RETREG2: variants seen among roughly 807,000 people sequenced by gnomAD.
The protein encoded by RETREG2 is reticulophagy regulator 2.
A neutral mutation model predicts 51.6 loss-of-function variants in RETREG2; 21 were observed. The observed-to-expected ratio is 0.41, with a 90% confidence interval of 0.29 to 0.59. RETREG2 has a LOEUF of 0.59. RETREG2 is among the 20% of genes least tolerant of loss of function. RETREG2 has a pLI of 0.34. For synonymous variants in RETREG2, 339 were observed against 288.6 expected (o/e 1.17, Z -1.77); for missense variants, 674 against 646.0 (o/e 1.04, Z -0.47).
Position 219,178,432 on chromosome 2 carries a change from G to T in RETREG2, c.80G>T (p.Gly27Val). The T allele has an allele frequency of 1.5e-6, 1 of 679,186 alleles. No individual in the cohort carries two copies. 42.1% of individuals were successfully genotyped at this position (679,186 alleles called of 1,614,324 possible). Residue 27 changes from glycine (G) to valine (V), a missense_variant, in exon 1 of 9, where the codon GGT (glycine) becomes GTT (valine). Physicochemically the swap from Gly to Val is moderately radical, Grantham distance 109. Transcript: ENST00000430297. ...GMGLSLGLGL[G>V]LSLGMSEATS... is the part of the protein sequence containing the mutation. ...GGCCTGAGCCTGGGCCTGGGTCTGG[G>T]TCTGAGCCTAGGCATGAGTGAGGCC...
At chr2:219,179,504 G>T (rs909005098) in intron 2 of RETREG2, among the ~76,000 whole-genome samples, 4 of 152,226 alleles carry the variant, frequency 2.6e-5, no homozygotes, top group Non-Finnish European at 4.4e-5. Context: ...TAGGTGACAG[G>T]CTGTATGTGA....
rs147247814 is a variant in RETREG2, at chr2:219,179,793, T to C, written c.419+30T>C. On this transcript the variant is annotated intron_variant, in intron 3 of 8. Transcript: ENST00000430297. ...GTACAGGCCACCTCTTGAAGACAAA[T>C]GCCCACATCCTGTCCTGCTTGCTGG... is the stretch of plus-strand genomic sequence containing the variant. 28 of 1,608,688 alleles carry C rather than the reference T, an allele frequency of 1.7e-5. 1 individual carries two copies. The African/African-American group carries it at 3.2e-4, about 18-fold the overall frequency.
rs2272018 is a variant in RETREG2, at chr2:219,181,663, G to A, written c.903G>A (p.Leu301=). ...SPVVDVKKTA[L]ALAITDSELS... ...AGGTGGATGTGAAGAAAACAGCATT[G>A]GCCTTGGCCATTACAGACTCAGAGC... is the stretch of plus-strand genomic sequence containing the variant. Residue 301 remains leucine, a synonymous_variant, in exon 8 of 9, where the codon TTG becomes TTA. Transcript: ENST00000430297. The A allele has an allele frequency of 1.6e-4, 256 of 1,614,084 alleles. No individual in the cohort carries two copies. In the East Asian group the frequency reaches 5.6e-3, roughly 36 times the overall value.
Position 219,182,709 on chromosome 2 carries a change from C to T in RETREG2, c.*80C>T. 5 of 1,535,196 alleles carry T rather than the reference C, an allele frequency of 3.3e-6. No homozygotes were observed. Among genetic ancestry groups the T allele is most frequent in the Non-Finnish European group, 4.4e-6 (5 of 1,134,374 alleles). On this transcript the variant is annotated 3_prime_UTR_variant, in exon 9 of 9. Coordinates refer to ENST00000430297, the MANE Select transcript of RETREG2 (RefSeq NM_024293.6). ...TTGCTGTTTCCTCCTTTGCCTACCA[C>T]TCTGGGGTGGGGCAGTGTGTGGGGA...
intron 1 of RETREG2, 99 bp from the exon 2 acceptor site, chr2:219,178,823 G>A (rs1950229966): frequency 2.7e-6 from 3 of 1,096,454 alleles, no homozygotes; most frequent in Middle Eastern, 2.1e-4. Flanking sequence ...TAGGCCTGGA[G>A]GTGCCATTAC....
chr2:219,182,091 T>C lies in RETREG2; in HGVS notation c.1094T>C (p.Leu365Pro), dbSNP rs770674240. Reference sequence around the variant, plus strand: ...CTAGGGGAGGGAGAGGAGGGAGAGCTGGCCCCTCCCGAAGACCTACTAGGC... The same window carrying C: ...CTAGGGGAGGGAGAGGAGGGAGAGCCGGCCCCTCCCGAAGACCTACTAGGC... ...RDLGEGEEGE[L>P]APPEDLLGRP... The change falls in exon 9 of 9, where the codon CTG becomes CCG. Residue 365 changes from leucine (L) to proline (P), a missense_variant. Leu to Pro is a moderately conservative substitution (Grantham distance 98). Coordinates refer to ENST00000430297, the MANE Select transcript of RETREG2 (RefSeq NM_024293.6). 1.2e-5 allele frequency: 19 copies of C among 1,613,972 alleles called. No homozygotes were observed. The highest frequency in any genetic ancestry group is 6.7e-5 in the Admixed American group (4 of 59,998).
rs781137020 is a variant in RETREG2, at chr2:219,181,103, C to T, written c.682C>T (p.Leu228=). Residue 228 remains leucine, a synonymous_variant, in exon 6 of 9, where the codon CTG becomes TTG. Coordinates refer to ENST00000430297, the MANE Select transcript of RETREG2 (RefSeq NM_024293.6). The part of the protein sequence containing the change: ...LLWPLVVYHE[L]IQRMYTRLEP... Reference sequence around the variant, plus strand: ...GTGGCCCCTGGTGGTTTATCATGAGCTGATCCAGAGGATGTACACTCGCCT... The same window carrying T: ...GTGGCCCCTGGTGGTTTATCATGAGTTGATCCAGAGGATGTACACTCGCCT... 1.2e-6 allele frequency: 2 copies of T among 1,614,032 alleles called. No homozygotes were observed. The highest frequency in any genetic ancestry group is 1.7e-5 in the Admixed American group (1 of 60,004).
chr2:219,182,147 G>C lies in RETREG2; in HGVS notation c.1150G>C (p.Asp384His). ...TCAAGCTCTGTCAAGGCAAGCCCTG[G>C]ACTCGGAGGAAGAGGAAGAGGATGT... ...RPQALSRQAL[D>H]SEEEEEDVAA... Residue 384 changes from aspartate (D) to histidine (H), a missense_variant, in exon 9 of 9, where the codon GAC becomes CAC. Asp to His is a moderately conservative substitution (Grantham distance 81). Transcript: ENST00000430297. The C allele has an allele frequency of 6.2e-7, 1 of 1,614,110 alleles. No homozygotes were observed. Among genetic ancestry groups the C allele is most frequent in the Non-Finnish European group, 8.5e-7 (1 of 1,180,042 alleles).
At position 219,184,812 on chromosome 2, in the gene RETREG2, T is replaced by TTG. The variant is rs1574789397; in HGVS notation, c.*2185_*2186dup. 1.5e-5 allele frequency: 2 copies of TTG among 131,838 alleles called. No individual in the cohort carries two copies. Among genetic ancestry groups the TTG allele is most frequent in the East Asian group, 2.1e-4 (1 of 4,756 alleles). 8.2% of individuals were successfully genotyped at this position (131,838 alleles called of 1,614,324 possible). A position where few individuals can be genotyped will look rare whatever the true frequency, so the allele number is the denominator to read the frequency against. On this transcript the variant is annotated 3_prime_UTR_variant, in exon 9 of 9. Coordinates refer to ENST00000430297, the MANE Select transcript of RETREG2 (RefSeq NM_024293.6). Reference sequence around the variant, plus strand: ...CTTTTGTTGTTGTTGTTTTGGTTTTTTGTTTTTTGTGGGTTTTTTTTTTTT... The same window carrying TTG: ...CTTTTGTTGTTGTTGTTTTGGTTTTTTGTGTTTTTTGTGGGTTTTTTTTTTTT...
rs771920532 is a variant in RETREG2, at chr2:219,178,551, C to A, written c.199C>A (p.Leu67Met). 2.8e-6 allele frequency: 4 copies of A among 1,446,634 alleles called. No individual in the cohort carries two copies. The highest frequency in any genetic ancestry group is 3.6e-6 in the Non-Finnish European group (4 of 1,108,056). 89.6% of individuals were successfully genotyped at this position (1,446,634 alleles called of 1,614,324 possible). The change falls in exon 1 of 9, where the codon CTG becomes ATG. Residue 67 changes from leucine (L) to methionine (M), a missense_variant. Physicochemically the swap from Leu to Met is conservative, Grantham distance 15. Transcript: ENST00000430297. ...GCGGCTCCGCGGCTGGGAGGCGGTG[C>A]TGGCGGCGGCGCAGCGGTTGCTGGT... ...WLRLRGWEAVLAAAQRLLVWE... is the reference protein window; with the variant it reads ...WLRLRGWEAVMAAAQRLLVWE...
chr2:219,181,511 A>T (rs367639165), intron 7 of RETREG2, 48 bp downstream of exon 7: 10 of 1,608,766 alleles, frequency 6.2e-6, no homozygotes, highest in Non-Finnish European at 8.5e-6. Flanking sequence ...CCAGAGGAAA[A>T]ATCTTTCTGC....
rs1227507823 is a variant in RETREG2 at position 219,185,341 on chromosome 2, A to G, written c.*2712A>G. On this transcript the variant is annotated 3_prime_UTR_variant, in exon 9 of 9. Coordinates refer to ENST00000430297, the MANE Select transcript of RETREG2 (RefSeq NM_024293.6). ...TGGAAAAGTACAGGCTGAGGGGAGA[A>G]GAGTTGGCTACATGTTTATGTTAGG... 2.0e-5 allele frequency: 3 copies of G among 152,244 alleles called. No homozygotes were observed. The highest frequency in any genetic ancestry group is 7.2e-5 in the African/African-American group (3 of 41,466). The allele number at this position is 152,244 out of a possible 1,614,324, so 9.4% of individuals were successfully genotyped here.
chr2:219,180,610 C>T, intron 4 of RETREG2, 60 bp from the exon 5 acceptor site: 2 of 1,612,220 alleles, frequency 1.2e-6, no homozygotes, highest in Admixed American at 1.7e-5. Context: ...AGTTTCTTAC[C>T]CAGCCGAGCG....
intron 8 of RETREG2, 102 bp from the exon 9 acceptor site, chr2:219,181,911 C>A: frequency 6.4e-7 from 1 of 1,559,026 alleles, no homozygotes. Context: ...TAAGGCTTGG[C>A]CCAGCTTTCC....
rs374269577 is a variant in RETREG2 at position 219,180,658 on chromosome 2, T to A, written c.556-12T>A. On this transcript the variant is annotated splice_polypyrimidine_tract_variant and intron_variant, in intron 4 of 8. Coordinates refer to ENST00000430297, the MANE Select transcript of RETREG2 (RefSeq NM_024293.6). ...CAGCGTGATGTTCTTAGACTTTTGC[T>A]CTTCTCTGCAGTTCTGCGTTCGAGT... The A allele has an allele frequency of 1.2e-6, 2 of 1,614,198 alleles. No individual in the cohort carries two copies.
In RETREG2 at chr2:219,181,127, C is replaced by G. The variant is rs370337996; in HGVS notation, c.706C>G (p.Leu236Val). 2 of 1,614,188 alleles carry G rather than the reference C, an allele frequency of 1.2e-6. No individual in the cohort carries two copies. The highest frequency in any genetic ancestry group is 1.7e-6 in the Non-Finnish European group (2 of 1,180,032). ...HELIQRMYTR[L>V]EPLLMQLDYS... ...GCTGATCCAGAGGATGTACACTCGCCTGGAGCCCCTGCTCATGCAGCTGGA... is the reference window on the plus strand; with the variant it reads ...GCTGATCCAGAGGATGTACACTCGCGTGGAGCCCCTGCTCATGCAGCTGGA... The change falls in exon 6 of 9, where the codon CTG becomes GTG. Residue 236 changes from leucine to valine, a missense_variant. Transcript: ENST00000430297.
At chr2:219,180,030 T>A in intron 3 of RETREG2, 80 bp from the exon 4 acceptor site, 1 of 1,558,600 alleles carries the variant, frequency 6.4e-7, no homozygotes, top group Non-Finnish European at 8.8e-7. Flanking sequence ...ACTAAAGATA[T>A]CTTTGGCATT....
chr2:219,180,119 G>C lies in RETREG2; in HGVS notation c.429G>C (p.Ala143=). Residue 143 remains alanine (A), a synonymous_variant, in exon 4 of 9, where the codon GCG becomes GCC. Transcript: ENST00000430297. ...PEEPHSDSEG[A]GSGARPHLLS... is the part of the protein sequence containing the mutation. Reference sequence around the variant, plus strand: ...TGTCATGTCTCCCCAGTGAGGGTGCGGGGTCAGGCGCCCGGCCGCACCTGC... The same window carrying C: ...TGTCATGTCTCCCCAGTGAGGGTGCCGGGTCAGGCGCCCGGCCGCACCTGC... 6.2e-7 allele frequency: 1 copy of C among 1,614,032 alleles called. No homozygotes were observed. Among genetic ancestry groups the C allele is most frequent in the Non-Finnish European group, 8.5e-7 (1 of 1,179,988 alleles).
chr2:219,182,164 A>AGAGGAT lies in RETREG2; in HGVS notation c.1169_1174dup (p.Glu390_Asp391dup). The stretch of plus-strand genomic sequence containing the variant: ...AAGCCCTGGACTCGGAGGAAGAGGA[A>AGAGGAT]GAGGATGTGGCAGCTAAGGAAACCT... On this transcript the variant is annotated inframe_insertion, in exon 9 of 9. Transcript: ENST00000430297. The AGAGGAT allele has an allele frequency of 6.2e-7, 1 of 1,614,170 alleles. No individual in the cohort carries two copies. The highest frequency in any genetic ancestry group is 8.5e-7 in the Non-Finnish European group (1 of 1,180,016).
Sources: gnomAD v4.1 joint callset for allele counts (sites outside exome capture counted in the v4.1 genomes callset) on GRCh38, gnomAD v4.1.1 for gene constraint, MANE v1.5 for transcripts, NCBI Gene and HGNC (gene_info 2026-07-23, HGNC 2026-07-21) for gene names.